Variants in TBC1D22B observed in about 807,000 individuals in gnomAD.
TBC1D22B encodes the protein TBC1 domain family member 22B.
In TBC1D22B, 32 loss-of-function variants were observed where a neutral mutation model predicts 69.1. That is an observed-to-expected ratio of 0.46 (90% CI 0.35 to 0.62). TBC1D22B has a LOEUF of 0.62. TBC1D22B is among the 20% of genes least tolerant of loss of function. TBC1D22B has a pLI of 0.00. For synonymous variants in TBC1D22B, 206 were observed against 229.8 expected, an observed-to-expected ratio of 0.90 and a Z score of 0.94; for missense variants, 462 against 630.9, an observed-to-expected ratio of 0.73 and a Z score of 2.87.
At chr6:37,289,252 C>G (rs1309906126) in intron 7 of TBC1D22B, among the ~76,000 whole-genome samples, 1 of 152,176 alleles carries the variant, frequency 6.6e-6, no homozygotes, top group East Asian at 1.9e-4. Flanking sequence ...TACGGAAAGG[C>G]TTGCTTTGAA....
intron 12 of TBC1D22B, among the ~76,000 whole-genome samples, chr6:37,329,429 C>T (rs189026956): frequency 6.6e-6 from 1 of 152,322 alleles, no homozygotes; most frequent in East Asian, 1.9e-4. Flanking sequence ...CCTTTCTCCA[C>T]TATTTGAAGC....
At position 37,282,287 on chromosome 6, in the gene TBC1D22B, C is replaced by T. The variant is rs531695394; in HGVS notation, c.524C>T (p.Ala175Val). 5 of 1,613,858 alleles carry T rather than the reference C, an allele frequency of 3.1e-6. No individual in the cohort carries two copies. The highest frequency in any genetic ancestry group is 1.1e-5 in the South Asian group (1 of 91,038). Residue 175 changes from alanine (A) to valine (V), a missense_variant, in exon 4 of 13, where the codon GCC (alanine) becomes GTC (valine). Ala to Val is a moderately conservative substitution (Grantham distance 64). Coordinates refer to ENST00000373491, the MANE Select transcript of TBC1D22B (RefSeq NM_017772.4). ...ARISDQNASG[A>V]PPMTVREKTR... ...ATCTCGGATCAGAACGCTTCTGGGG[C>T]CCCCCCAATGACTGTCCGGGAGAAA...
intron 2 of TBC1D22B, among the ~76,000 whole-genome samples, chr6:37,275,040 G>T (rs1766622090): frequency 8.0e-6 from 1 of 125,576 alleles, no homozygotes; most frequent in Non-Finnish European, 1.7e-5. Flanking sequence ...GACAGAGCGA[G>T]AATCCATCTT....
intron 8 of TBC1D22B, among the ~76,000 whole-genome samples, chr6:37,297,732 A>G (rs1427122555): frequency 6.6e-6 from 1 of 152,268 alleles, no homozygotes; most frequent in Admixed American, 6.5e-5. Context: ...TCTACTGTAA[A>G]GATATATGCA....
chr6:37,316,585 C>T, intron 10 of TBC1D22B, 118 bp from the exon 11 acceptor site: 1 of 1,152,180 alleles, frequency 8.7e-7, no homozygotes, highest in African/African-American at 1.5e-5. Flanking sequence ...TCTGCCTCCT[C>T]TGTGTCTGCT....
rs1767963680 is a variant in TBC1D22B, at chr6:37,312,998, A to G, written c.1063A>G (p.Met355Val). Residue 355 changes from methionine (M) to valine (V), a missense_variant, in exon 9 of 13, where the codon ATG becomes GTG. By Grantham distance (21) the Met-to-Val change is conservative. This residue lies in a region of TBC1D22B where 225 missense variants were observed against 375.4 expected (regional missense o/e 0.60). Transcript: ENST00000373491. ...CATTGAGGCTGACAGCTTTTGGTGC[A>G]TGAGCAAGCTGCTGGATGGAATCCA... is the stretch of plus-strand genomic sequence containing the variant. ...RSIEADSFWC[M>V]SKLLDGIQDN... 6.8e-6 allele frequency: 11 copies of G among 1,614,086 alleles called. No homozygotes were observed. Among genetic ancestry groups the G allele is most frequent in the Non-Finnish European group, 8.5e-6 (10 of 1,180,016 alleles).
intron 1 of TBC1D22B, among the ~76,000 whole-genome samples, chr6:37,267,449 T>TATATATACACATATATATA (rs1766331099): frequency 7.1e-6 from 1 of 140,118 alleles, no homozygotes; most frequent in African/African-American, 2.7e-5. Context: ...ACATATATAA[T>TATATATACACATATATATA]ATATATATAC....
At chr6:37,302,728 C>T (rs1767605470) in intron 8 of TBC1D22B, among the ~76,000 whole-genome samples, 1 of 152,256 alleles carries the variant, frequency 6.6e-6, no homozygotes, top group Non-Finnish European at 1.5e-5. Context: ...AGACCTCTGA[C>T]TTGTGTCCGG....
chr6:37,285,026 A>G (rs183665041), intron 6 of TBC1D22B, among the ~76,000 whole-genome samples: 5 of 152,274 alleles, frequency 3.3e-5, no homozygotes, highest in East Asian at 1.9e-4. Context: ...GTCATTGCCC[A>G]TAATGGTCCT....
chr6:37,264,620 T>C (rs971725794), intron 1 of TBC1D22B, among the ~76,000 whole-genome samples: 3 of 152,170 alleles, frequency 2.0e-5, no homozygotes, highest in African/African-American at 7.2e-5. Context: ...TATATTATGA[T>C]CTAAATCTAG....
At chr6:37,314,969 C>G (rs1319093989) in intron 10 of TBC1D22B, among the ~76,000 whole-genome samples, 1 of 152,150 alleles carries the variant, frequency 6.6e-6, no homozygotes, top group Non-Finnish European at 1.5e-5. Flanking sequence ...TCTTATCACC[C>G]TGGCCCAGCT....
chr6:37,313,268 T>C (rs1767976961), intron 9 of TBC1D22B, among the ~76,000 whole-genome samples: 1 of 152,134 alleles, frequency 6.6e-6, no homozygotes, highest in Non-Finnish European at 1.5e-5. Flanking sequence ...GACTGGAGGA[T>C]CGCTTGAGCT....
intron 7 of TBC1D22B, among the ~76,000 whole-genome samples, chr6:37,290,908 A>G (rs1011918137): frequency 1.3e-5 from 2 of 152,164 alleles, no homozygotes; most frequent in African/African-American, 4.8e-5. Flanking sequence ...AACCATATCT[A>G]CAGATGAGAA....
At chr6:37,330,003 G>A (rs564530867) in intron 12 of TBC1D22B, among the ~76,000 whole-genome samples, 22 of 152,168 alleles carry the variant, frequency 1.4e-4, no homozygotes, top group Non-Finnish European at 2.8e-4. Flanking sequence ...ACTGAGAACT[G>A]CAGAATGCTG....
chr6:37,274,526 C>T (rs781149730), intron 2 of TBC1D22B, among the ~76,000 whole-genome samples: 2 of 152,082 alleles, frequency 1.3e-5, no homozygotes, highest in African/African-American at 2.4e-5. Flanking sequence ...TTTTCTTTGC[C>T]GCTTACCATT....
rs117030182 is a variant in TBC1D22B, at chr6:37,289,471, T to G, written c.868-1772T>G. Among the ~76,000 whole-genome samples, 787 of 152,336 alleles carry G rather than the reference T, an allele frequency of 5.2e-3. 38 individuals carry two copies. The East Asian group carries it at 0.093, about 18-fold the overall frequency. ...GTTTCCATCTCTTTGACCACTTCACTTGTACCATGTGAGTGTGTCTGTGTT... is the reference window on the plus strand; with the variant it reads ...GTTTCCATCTCTTTGACCACTTCACGTGTACCATGTGAGTGTGTCTGTGTT... On this transcript the variant is annotated intron_variant, in intron 7 of 12. Coordinates refer to ENST00000373491, the MANE Select transcript of TBC1D22B (RefSeq NM_017772.4).
Position 37,332,504 on chromosome 6 carries a change from G to A in TBC1D22B, c.*1332G>A, listed in dbSNP as rs1768612455. ...CTTCTTGTGTGTCCCTCGGGTTTGG[G>A]GCTCTTCTCAGAGAGCAGCACTCCA... On this transcript the variant is annotated 3_prime_UTR_variant, in exon 13 of 13. Transcript: ENST00000373491. 1 of 152,580 alleles carries A rather than the reference G, an allele frequency of 6.6e-6. No homozygotes were observed. Among genetic ancestry groups the A allele is most frequent in the Admixed American group, 6.6e-5 (1 of 15,252 alleles). The allele number at this position is 152,580 out of a possible 1,614,324, so 9.5% of individuals were successfully genotyped here. A position where few individuals can be genotyped will look rare whatever the true frequency, so the allele number is the denominator to read the frequency against.
chr6:37,313,693 C>A, intron 9 of TBC1D22B, 123 bp from the exon 10 acceptor site: 1 of 883,032 alleles, frequency 1.1e-6, no homozygotes, highest in Non-Finnish European at 1.9e-6. Flanking sequence ...TCCCAGAACA[C>A]TGTCACTGGC....
At chr6:37,312,635 G>A (rs543717788) in intron 8 of TBC1D22B, among the ~76,000 whole-genome samples, 14 of 152,256 alleles carry the variant, frequency 9.2e-5, no homozygotes, top group African/African-American at 2.9e-4. Context: ...AAAACTGAAC[G>A]AACAAATGCC....
Sources: allele counts gnomAD v4.1 joint callset (sites outside exome capture counted in the v4.1 genomes callset), GRCh38; gene constraint gnomAD v4.1.1; regional missense constraint gnomAD v4.1.1; transcripts MANE v1.5; gene names NCBI Gene and HGNC (gene_info 2026-07-23, HGNC 2026-07-21).